Variants in DEPDC5 observed in about 807,000 individuals in gnomAD.
DEPDC5 encodes the protein GATOR1 complex protein DEPDC5.
DEPDC5 carries 73 observed loss-of-function variants against 217.3 expected under a neutral mutation model. The ratio of observed to expected loss-of-function variants is 0.34; its 90% CI spans 0.28 to 0.41. The LOEUF is 0.41. DEPDC5 is among the 10% of genes least tolerant of loss of function. DEPDC5 has a pLI of 1.00. For missense variants in DEPDC5, 1,675 were observed against 2,070.1 expected (o/e 0.81, Z 3.70); for synonymous variants, 733 against 756.7 (o/e 0.97, Z 0.51).
At chr22:31,803,000 A>G (rs2087046840) in intron 15 of DEPDC5, among the ~76,000 whole-genome samples, 162 bp downstream of exon 15, 1 of 152,130 alleles carries the variant, frequency 6.6e-6, no homozygotes, top group South Asian at 2.1e-4. Context: ...CTAAAATTTC[A>G]TGGTCAAATC....
At chr22:31,802,937 T>C (rs964428788) in intron 15 of DEPDC5, 99 bp downstream of exon 15, 32 of 1,391,878 alleles carry the variant, frequency 2.3e-5, no homozygotes, top group Non-Finnish European at 2.7e-5. Context: ...TGAGGAGCTC[T>C]ACATAGTGTT....
chr22:31,857,502 C>T lies in DEPDC5; in HGVS notation c.3213C>T (p.Ala1071=), dbSNP rs373166302. Residue 1071 remains alanine (A), a synonymous_variant, in exon 32 of 43, where the codon GCC becomes GCT. Transcript: ENST00000651528. ...GTGGGAAGAGCTCCGCCCAGTCAGCCGAGAGCAGCAGCGTTGCCATGACTC... is the reference window on the plus strand; with the variant it reads ...GTGGGAAGAGCTCCGCCCAGTCAGCTGAGAGCAGCAGCGTTGCCATGACTC... ...VHGGKSSAQS[A]ESSSVAMTPT... The T allele has an allele frequency of 8.3e-5, 134 of 1,612,604 alleles. 2 individuals carry two copies. In the South Asian group the frequency reaches 1.3e-3, roughly 16 times the overall value.
rs7292720 is a variant in DEPDC5 at position 31,904,180 on chromosome 22, T to C, written c.4437-1804T>C. Among the ~76,000 whole-genome samples the C allele has an allele frequency of 4.2e-3, 633 of 152,130 alleles. 3 individuals carry two copies. Among genetic ancestry groups the C allele is most frequent in the African/African-American group, 0.013 (558 of 41,428 alleles). ...GTGACCTACCGCTCCTCCTTCATCT[T>C]CCTCAGCCCCTAGGCTGTGACCTAC... On this transcript the variant is annotated intron_variant, in intron 41 of 42. Transcript: ENST00000651528.
At chr22:31,778,472 G>T (rs536178475) in intron 8 of DEPDC5, among the ~76,000 whole-genome samples, 1 of 152,120 alleles carries the variant, frequency 6.6e-6, no homozygotes, top group South Asian at 2.1e-4. Flanking sequence ...CTGGGCAACA[G>T]AGCAAGACCC....
intron 24 of DEPDC5, among the ~76,000 whole-genome samples, chr22:31,829,286 C>T (rs1305529574): frequency 6.6e-6 from 1 of 152,150 alleles, no homozygotes; most frequent in South Asian, 2.1e-4. Flanking sequence ...AATCCCAGCA[C>T]TTTGGGAGGC....
chr22:31,834,748 C>G (rs529501367), intron 25 of DEPDC5, among the ~76,000 whole-genome samples: 1 of 152,052 alleles, frequency 6.6e-6, no homozygotes, highest in East Asian at 1.9e-4. Context: ...AACTCCTAAC[C>G]TCGTGATCCT....
At chr22:31,779,435 G>A (rs1354035396) in intron 8 of DEPDC5, among the ~76,000 whole-genome samples, 3 of 152,280 alleles carry the variant, frequency 2.0e-5, no homozygotes, top group African/African-American at 7.2e-5. Context: ...TCCAGGCAAA[G>A]GAAACAATTT....
intron 38 of DEPDC5, 187 bp downstream of exon 38, chr22:31,879,939 C>T: frequency 4.9e-6 from 3 of 608,168 alleles, no homozygotes; most frequent in Non-Finnish European, 8.7e-6. Context: ...GGTTTTATGA[C>T]TGTCCCAACC....
chr22:31,809,548 G>A, intron 18 of DEPDC5, 63 bp from the exon 19 acceptor site: 1 of 1,575,612 alleles, frequency 6.3e-7, no homozygotes, highest in Admixed American at 1.7e-5. Flanking sequence ...TATATACTGT[G>A]CCTTGTGATA....
At chr22:31,854,150 T>G (rs552248844) in intron 31 of DEPDC5, among the ~76,000 whole-genome samples, 1 of 152,340 alleles carries the variant, frequency 6.6e-6, no homozygotes, top group East Asian at 1.9e-4. Flanking sequence ...TGTATACACA[T>G]ATGCATTGTA....
At chr22:31,880,096 C>T in intron 38 of DEPDC5, 1 of 288,466 alleles carries the variant, frequency 3.5e-6, no homozygotes, top group Non-Finnish European at 6.8e-6. Flanking sequence ...CTAGTTCCTG[C>T]CGGAGCCCCT....
At chr22:31,842,997 G>C in intron 27 of DEPDC5, 98 bp from the exon 28 acceptor site, 1 of 860,802 alleles carries the variant, frequency 1.2e-6, no homozygotes, top group Non-Finnish European at 1.8e-6. Context: ...CTAAGAGAAA[G>C]TGTTACATTG....
intron 24 of DEPDC5, among the ~76,000 whole-genome samples, chr22:31,824,123 A>T (rs2089949846): frequency 6.6e-6 from 1 of 152,170 alleles, no homozygotes; most frequent in South Asian, 2.1e-4. Flanking sequence ...GGCCAGGTGG[A>T]TCACCTGAGG....
chr22:31,785,833 T>C (rs2084928230), intron 10 of DEPDC5, among the ~76,000 whole-genome samples: 1 of 152,212 alleles, frequency 6.6e-6, no homozygotes, highest in African/African-American at 2.4e-5. Context: ...GGCATCAAGT[T>C]CATTTAATGA....
intron 8 of DEPDC5, among the ~76,000 whole-genome samples, chr22:31,782,606 G>A (rs1409867963): frequency 2.6e-5 from 4 of 152,212 alleles, no homozygotes; most frequent in African/African-American, 9.7e-5. Flanking sequence ...CAGTCTGAGT[G>A]TAGTGGAAGT....
chr22:31,809,677 C>T, intron 19 of DEPDC5, 30 bp downstream of exon 19: 1 of 1,612,624 alleles, frequency 6.2e-7, no homozygotes. Flanking sequence ...TTTTTTCTTG[C>T]TTTTAAAAAG....
chr22:31,865,805 ATCTGAGCTGTGGG>A (rs2092673501), intron 33 of DEPDC5, among the ~76,000 whole-genome samples: 1 of 152,210 alleles, frequency 6.6e-6, no homozygotes, highest in Non-Finnish European at 1.5e-5. Context: ...CTTGGAGAAC[ATCTGAGCTGTGGG>A]TCTGCAAGTT....
At chr22:31,896,521 AC>A (rs1261465651) in intron 39 of DEPDC5, among the ~76,000 whole-genome samples, 1 of 146,026 alleles carries the variant, frequency 6.8e-6, no homozygotes, top group East Asian at 1.9e-4. Flanking sequence ...ACATCGATCA[AC>A]CTTTTTTTTT....
chr22:31,852,539 G>A (rs865819321), intron 31 of DEPDC5, among the ~76,000 whole-genome samples: 3 of 151,950 alleles, frequency 2.0e-5, no homozygotes, highest in Admixed American at 1.3e-4. Flanking sequence ...GGTTTTCTCC[G>A]TGGTGGTCAG....
Sources: gnomAD v4.1 joint callset for allele counts (sites outside exome capture counted in the v4.1 genomes callset) on GRCh38, gnomAD v4.1.1 for gene constraint, MANE v1.5 for transcripts, NCBI Gene and HGNC (gene_info 2026-07-23, HGNC 2026-07-21) for gene names.